ERBB4: variants seen among roughly 807,000 people sequenced by gnomAD.
The protein encoded by ERBB4 is receptor tyrosine-protein kinase erbB-4.
ERBB4 carries 42 observed loss-of-function variants against 158.0 expected under a neutral mutation model. The ratio of observed to expected loss-of-function variants is 0.27; its 90% CI spans 0.21 to 0.34. ERBB4 has a LOEUF of 0.34. ERBB4 is among the 10% of genes least tolerant of loss of function. The pLI is 1.00. For synonymous variants in ERBB4, 583 were observed against 558.7 expected (o/e 1.04, Z -0.61); for missense variants, 1,333 against 1,624.1 (o/e 0.82, Z 3.08).
intron 20 of ERBB4, among the ~76,000 whole-genome samples, chr2:211,435,613 G>T (rs1301487872): frequency 6.6e-6 from 1 of 152,144 alleles, no homozygotes; most frequent in African/African-American, 2.4e-5. Context: ...GATTAGCGGC[G>T]GCAGCATTAG....
chr2:212,170,856 A>C (rs2371477), intron 1 of ERBB4, among the ~76,000 whole-genome samples: 93,789 of 151,876 alleles, frequency 0.62, 30,142 homozygotes, highest in African/African-American at 0.7. Context: ...ACAGGTAGAG[A>C]CCTCATGGAG....
At chr2:212,484,190 T>A (rs530221846) in intron 1 of ERBB4, among the ~76,000 whole-genome samples, 3 of 152,350 alleles carry the variant, frequency 2.0e-5, no homozygotes, top group Admixed American at 6.5e-5. Context: ...GGACCATCAC[T>A]TGAAACCTTC....
intron 1 of ERBB4, among the ~76,000 whole-genome samples, chr2:212,225,800 A>G (rs1424746001): frequency 6.6e-6 from 1 of 151,732 alleles, no homozygotes; most frequent in African/African-American, 2.4e-5. Context: ...CCAAAGTTAC[A>G]TGGTCCCTAT....
chr2:212,457,648 T>C (rs1321327425), intron 1 of ERBB4, among the ~76,000 whole-genome samples: 1 of 152,092 alleles, frequency 6.6e-6, no homozygotes, highest in African/African-American at 2.4e-5. Context: ...ACATTAAAAT[T>C]TATTCAACAT....
chr2:211,946,459 TA>T (rs2125134872), intron 3 of ERBB4, among the ~76,000 whole-genome samples: 1 of 151,716 alleles, frequency 6.6e-6, no homozygotes. Context: ...TCAAAGTACA[TA>T]TAAAACCACT....
chr2:212,016,839 G>T (rs1440202790), intron 2 of ERBB4, among the ~76,000 whole-genome samples: 3 of 151,916 alleles, frequency 2.0e-5, no homozygotes, highest in African/African-American at 7.3e-5. Context: ...CATAAAATGG[G>T]CATAATATAT....
chr2:211,749,887 G>C (rs895606270), intron 5 of ERBB4, among the ~76,000 whole-genome samples: 1 of 151,888 alleles, frequency 6.6e-6, no homozygotes, highest in Admixed American at 6.6e-5. Flanking sequence ...TATTGCAGCA[G>C]GAAGAATGAG....
intron 1 of ERBB4, among the ~76,000 whole-genome samples, chr2:212,482,672 A>G (rs927719027): frequency 6.6e-6 from 1 of 152,204 alleles, no homozygotes. Context: ...GCTGGAGTGC[A>G]GTGGTGCTAT....
chr2:212,107,849 T>C (rs2079278299), intron 2 of ERBB4, among the ~76,000 whole-genome samples: 1 of 152,224 alleles, frequency 6.6e-6, no homozygotes, highest in African/African-American at 2.4e-5. Flanking sequence ...ACAAGTTCTA[T>C]TATTCTCTCA....
In ERBB4 at chr2:212,280,073, A is replaced by G. The variant is rs141273915; in HGVS notation, c.83-155170T>C. Among the ~76,000 whole-genome samples the G allele has an allele frequency of 4.0e-5, 6 of 151,782 alleles. No homozygotes were observed. The East Asian group carries it at 1.2e-3, about 30-fold the overall frequency. The stretch of plus-strand genomic sequence containing the variant: ...CAAAAAGAACTTGAAAATCTGCCTC[A>G]GAAGATGGGAAATAAATTATTTGAA... On this transcript the variant is annotated intron_variant, in intron 1 of 27. Coordinates refer to ENST00000342788, the MANE Select transcript of ERBB4 (RefSeq NM_005235.3).
intron 1 of ERBB4, among the ~76,000 whole-genome samples, chr2:212,515,290 G>A (rs1162858233): frequency 6.6e-6 from 1 of 152,084 alleles, no homozygotes; most frequent in Non-Finnish European, 1.5e-5. Context: ...CATGAGAGCA[G>A]GTTGGATTTT....
chr2:211,639,150 T>C (rs992576600), intron 16 of ERBB4, among the ~76,000 whole-genome samples: 1 of 152,182 alleles, frequency 6.6e-6, no homozygotes, highest in Non-Finnish European at 1.5e-5. Flanking sequence ...CATATATCTA[T>C]ATACCATACT....
chr2:211,596,052 A>G (rs1042752184), intron 19 of ERBB4, among the ~76,000 whole-genome samples: 8 of 152,224 alleles, frequency 5.3e-5, no homozygotes, highest in African/African-American at 1.7e-4. Flanking sequence ...TGAAAAAAAT[A>G]CAATCATATT....
At chr2:211,832,173 C>T (rs192281126) in intron 3 of ERBB4, among the ~76,000 whole-genome samples, 43 of 152,148 alleles carry the variant, frequency 2.8e-4, no homozygotes, top group Admixed American at 9.2e-4. Flanking sequence ...AATTAGTTTT[C>T]AGTAAATATT....
chr2:211,935,369 A>G (rs1160993972), intron 3 of ERBB4, among the ~76,000 whole-genome samples: 3 of 152,162 alleles, frequency 2.0e-5, no homozygotes, highest in East Asian at 1.9e-4. Flanking sequence ...TATGCTCTCA[A>G]TGCGGGTGGG....
intron 1 of ERBB4, among the ~76,000 whole-genome samples, chr2:212,295,479 A>G (rs1285882296): frequency 6.6e-6 from 1 of 152,068 alleles, no homozygotes; most frequent in Non-Finnish European, 1.5e-5. Flanking sequence ...TCAAATGAAA[A>G]GAAAACGTAT....
chr2:212,021,307 A>G (rs1045271679), intron 2 of ERBB4, among the ~76,000 whole-genome samples: 4 of 152,120 alleles, frequency 2.6e-5, no homozygotes, highest in Admixed American at 1.3e-4. Flanking sequence ...AAAAACTATA[A>G]TCTTGTGTAG....
intron 2 of ERBB4, among the ~76,000 whole-genome samples, chr2:212,060,265 A>T (rs1438784303): frequency 6.6e-6 from 1 of 152,072 alleles, no homozygotes. Context: ...ATGAGATACC[A>T]TCTCACACCA....
At chr2:211,560,121 A>G (rs2067344190) in intron 20 of ERBB4, among the ~76,000 whole-genome samples, 1 of 152,140 alleles carries the variant, frequency 6.6e-6, no homozygotes, top group Non-Finnish European at 1.5e-5. Context: ...CTAATTATTC[A>G]GGAAACTCAA....
Sources: allele counts gnomAD v4.1 joint callset (sites outside exome capture counted in the v4.1 genomes callset), GRCh38; gene constraint gnomAD v4.1.1; transcripts MANE v1.5; gene names NCBI Gene and HGNC (gene_info 2026-07-23, HGNC 2026-07-21).